REV3L: variants seen among roughly 807,000 people sequenced by gnomAD.
REV3L encodes the protein REV3 like, DNA directed polymerase zeta catalytic subunit, also known as DNA polymerase zeta catalytic subunit.
REV3L carries 69 observed loss-of-function variants against 299.4 expected under a neutral mutation model. The observed-to-expected ratio is 0.23, with a 90% CI of 0.19 to 0.28. The LOEUF is 0.28. Among genes scored for constraint, REV3L ranks in the 10% least tolerant of loss-of-function variants. The pLI is 1.00. For synonymous variants in REV3L, 1,238 were observed against 1,271.4 expected, an observed-to-expected ratio of 0.97 and a Z score of 0.56; for missense variants, 3,128 against 3,693.8, an observed-to-expected ratio of 0.85 and a Z score of 3.97.
intron 1 of REV3L, among the ~76,000 whole-genome samples, chr6:111,443,279 G>C (rs1788485833): frequency 6.6e-6 from 1 of 151,934 alleles, no homozygotes; most frequent in Non-Finnish European, 1.5e-5. Flanking sequence ...CTTCCGAGTA[G>C]CTGGGACTAC....
intron 21 of REV3L, among the ~76,000 whole-genome samples, chr6:111,337,123 T>TG (rs1407364225): frequency 6.6e-6 from 1 of 151,618 alleles, no homozygotes; most frequent in Non-Finnish European, 1.5e-5. Context: ...GGTTGAAGAG[T>TG]GGTGGCTAGG....
intron 21 of REV3L, among the ~76,000 whole-genome samples, chr6:111,342,427 G>C (rs1008885224): frequency 6.6e-5 from 10 of 152,264 alleles, no homozygotes; most frequent in Admixed American, 5.2e-4. Context: ...CCAGCACTTT[G>C]GGAGGCCGAG....
At chr6:111,422,911 A>G (rs1396470814) in intron 1 of REV3L, among the ~76,000 whole-genome samples, 1 of 151,692 alleles carries the variant, frequency 6.6e-6, no homozygotes, top group African/African-American at 2.4e-5. Context: ...ACAGAACTTT[A>G]TCTAGAATCA....
rs566571316 is a variant in REV3L at position 111,334,821 on chromosome 6, T to C, written c.7680+648A>G. Among the ~76,000 whole-genome samples, 4 of 152,326 alleles carry C rather than the reference T, an allele frequency of 2.6e-5. No individual in the cohort carries two copies. In the South Asian group the frequency reaches 6.2e-4, roughly 24 times the overall value. ...CTATATTTACTGAACTGGTTGATTA[T>C]GTTATAGACACAGGTAATTAAAATA... On this transcript the variant is annotated intron_variant, in intron 22 of 31. Coordinates refer to ENST00000368802, the MANE Select transcript of REV3L (RefSeq NM_001372078.1).
chr6:111,477,682 C>G (rs934363519), intron 1 of REV3L, among the ~76,000 whole-genome samples: 2 of 152,174 alleles, frequency 1.3e-5, no homozygotes, highest in African/African-American at 4.8e-5. Context: ...CCTTGTAAGA[C>G]AGGCAGATGC....
chr6:111,346,404 A>C (rs1484975609), intron 20 of REV3L, among the ~76,000 whole-genome samples: 1 of 152,226 alleles, frequency 6.6e-6, no homozygotes, highest in African/African-American at 2.4e-5. Context: ...GTCCATAAGG[A>C]AACTGCAGGA....
intron 1 of REV3L, among the ~76,000 whole-genome samples, chr6:111,427,738 G>C (rs1421416140): frequency 1.3e-5 from 2 of 152,112 alleles, no homozygotes; most frequent in Non-Finnish European, 2.9e-5. Context: ...GGGTTTGTTG[G>C]CAAGAGACCT....
intron 26 of REV3L, among the ~76,000 whole-genome samples, chr6:111,318,623 G>A (rs1238286242): frequency 2.6e-5 from 4 of 152,124 alleles, no homozygotes; most frequent in Admixed American, 2.6e-4. Flanking sequence ...CCAGGCTGGA[G>A]TGCAATGGCG....
chr6:111,387,594 T>C (rs1304818474), intron 9 of REV3L, among the ~76,000 whole-genome samples, 171 bp downstream of exon 9: 1 of 152,198 alleles, frequency 6.6e-6, no homozygotes, highest in Non-Finnish European at 1.5e-5. Context: ...TTCAGGATAC[T>C]GCTTACCTTT....
At position 111,358,167 on chromosome 6, in the gene REV3L, G is replaced by A. The variant is rs546053065; in HGVS notation, c.7072+655C>T. ...ATGGCATTCTATATGAAGAACCTCTGAACCAAAAGTATATTATTTAGAAAG... is the reference window on the plus strand; with the variant it reads ...ATGGCATTCTATATGAAGAACCTCTAAACCAAAAGTATATTATTTAGAAAG... On this transcript the variant is annotated intron_variant, in intron 17 of 31. Transcript: ENST00000368802. Among the ~76,000 whole-genome samples, 6 of 152,134 alleles carry A rather than the reference G, an allele frequency of 3.9e-5. No individual in the cohort carries two copies. In the South Asian group the frequency reaches 6.2e-4, roughly 16 times the overall value.
intron 1 of REV3L, among the ~76,000 whole-genome samples, chr6:111,443,008 T>C (rs1320703460): frequency 1.3e-5 from 2 of 152,168 alleles, no homozygotes; most frequent in Non-Finnish European, 2.9e-5. Context: ...TTTTGTTCTA[T>C]TGTGTTTTCA....
rs771743235 is a variant in REV3L at position 111,315,222 on chromosome 6, G to T, written c.8466+45C>A. The T allele has an allele frequency of 2.2e-6, 3 of 1,393,312 alleles. No individual in the cohort carries two copies. In the Admixed American group the frequency reaches 5.3e-5, roughly 24 times the overall value. The allele number at this position is 1,393,312 out of a possible 1,614,324, so 86.3% of individuals were successfully genotyped here. A position where few individuals can be genotyped will look rare whatever the true frequency, so the allele number is the denominator to read the frequency against. The stretch of plus-strand genomic sequence containing the variant: ...TGAACAAATCAGAGGTCTCTAGAAG[G>T]TATATGAATTTTATATGTAATTACT... On this transcript the variant is annotated intron_variant, in intron 27 of 31. Coordinates refer to ENST00000368802, the MANE Select transcript of REV3L (RefSeq NM_001372078.1).
At chr6:111,384,269 T>G (rs988791239) in intron 9 of REV3L, among the ~76,000 whole-genome samples, 1 of 152,030 alleles carries the variant, frequency 6.6e-6, no homozygotes, top group Admixed American at 6.6e-5. Flanking sequence ...TATCAAGTTA[T>G]TATACAAAGC....
intron 1 of REV3L, among the ~76,000 whole-genome samples, chr6:111,435,223 A>G (rs1454804094): frequency 1.3e-5 from 2 of 152,192 alleles, no homozygotes; most frequent in Non-Finnish European, 2.9e-5. Flanking sequence ...ACAAAACAAC[A>G]AAACAATTCT....
Position 111,434,942 on chromosome 6 carries a change from AC to A in REV3L, c.140-18471del, listed in dbSNP as rs370041063. Among the ~76,000 whole-genome samples, 88 of 152,120 alleles carry A rather than the reference AC, an allele frequency of 5.8e-4. No individual in the cohort carries two copies. The South Asian group carries it at 7.7e-3, about 13-fold the overall frequency. On this transcript the variant is annotated intron_variant, in intron 1 of 31. Coordinates refer to ENST00000368802, the MANE Select transcript of REV3L (RefSeq NM_001372078.1). ...ACAATTCTGGCTAATGTGGTAACTC[AC>A]GCCTGTATCCCAGCACTTTGGGAGG...
intron 1 of REV3L, chr6:111,431,329 A>C: frequency 9.1e-7 from 1 of 1,100,604 alleles, no homozygotes; most frequent in Admixed American, 1.7e-5. Flanking sequence ...TGGAGATTAC[A>C]GAAGTAGAGC....
At chr6:111,439,977 C>T (rs2128307030) in intron 1 of REV3L, among the ~76,000 whole-genome samples, 1 of 152,306 alleles carries the variant, frequency 6.6e-6, no homozygotes, top group East Asian at 1.9e-4. Context: ...TTTCTTCCAG[C>T]ATCTGGACAA....
chr6:111,405,394 A>C, intron 4 of REV3L, 76 bp downstream of exon 4: 1 of 848,368 alleles, frequency 1.2e-6, no homozygotes, highest in Non-Finnish European at 1.7e-6. Flanking sequence ...ATTATTTTAT[A>C]AATCACTGAC....
chr6:111,450,570 C>G (rs1789413445), intron 1 of REV3L, among the ~76,000 whole-genome samples: 1 of 149,562 alleles, frequency 6.7e-6, no homozygotes, highest in Non-Finnish European at 1.5e-5. Flanking sequence ...AACTTAAGTT[C>G]CTGCAGTGGA....
Sources: allele counts gnomAD v4.1 joint callset (sites outside exome capture counted in the v4.1 genomes callset), GRCh38; gene constraint gnomAD v4.1.1; transcripts MANE v1.5; gene names NCBI Gene and HGNC (gene_info 2026-07-23, HGNC 2026-07-21).